HAO1: variants seen among roughly 807,000 people sequenced by gnomAD.
HAO1 encodes 2-Hydroxyacid oxidase 1.
In HAO1, 34 loss-of-function variants were observed where a neutral mutation model predicts 39.7. The ratio of observed to expected loss-of-function variants is 0.86; its 90% CI spans 0.65 to 1.14. The LOEUF (loss-of-function observed/expected upper bound fraction) is 1.14, where lower values mean the gene tolerates loss of function less well. Ranked by LOEUF, HAO1 falls within the 50% of genes most tolerant of loss-of-function variation. The probability of loss-of-function intolerance (pLI) is 0.00; values close to 1 mark genes in which losing one functional copy is unlikely to be tolerated. For synonymous variants in HAO1, 172 were observed against 173.2 expected (o/e 0.99, Z 0.05); for missense variants, 479 against 464.5 (o/e 1.03, Z -0.29).
At chr20:7,939,412 G>A (rs1052231912) in intron 1 of HAO1, among the ~76,000 whole-genome samples, 1 of 152,072 alleles carries the variant, frequency 6.6e-6, no homozygotes, top group Non-Finnish European at 1.5e-5. Context: ...TTTTGTTGTA[G>A]ACTAAAGAAG....
chr20:7,934,869 A>G (rs2050403026), intron 1 of HAO1, among the ~76,000 whole-genome samples: 1 of 152,246 alleles, frequency 6.6e-6, no homozygotes. Context: ...TATAACTAAT[A>G]CATAATAGTA....
chr20:7,897,456 C>A (rs562329601), intron 4 of HAO1, among the ~76,000 whole-genome samples: 1 of 151,800 alleles, frequency 6.6e-6, no homozygotes, highest in African/African-American at 2.4e-5. Flanking sequence ...ATAATTTTTT[C>A]TTTCTATTTA....
chr20:7,938,931 T>C (rs1051656690), intron 1 of HAO1, among the ~76,000 whole-genome samples: 6 of 152,184 alleles, frequency 3.9e-5, no homozygotes, highest in Non-Finnish European at 8.8e-5. Flanking sequence ...ACTTGAGCAT[T>C]GGAGGTCTAG....
At chr20:7,929,990 C>T (rs1047054005) in intron 2 of HAO1, among the ~76,000 whole-genome samples, 4 of 152,136 alleles carry the variant, frequency 2.6e-5, no homozygotes, top group East Asian at 1.9e-4. Flanking sequence ...GGAGAGTCAA[C>T]GGGGAAAATG....
chr20:7,888,701 T>G (rs2050161169), intron 5 of HAO1, among the ~76,000 whole-genome samples: 1 of 152,298 alleles, frequency 6.6e-6, no homozygotes, highest in East Asian at 1.9e-4. Context: ...TGCAATGATC[T>G]CCTCTTTATC....
intron 4 of HAO1, among the ~76,000 whole-genome samples, chr20:7,899,883 C>T (rs1199042197): frequency 6.6e-6 from 1 of 152,094 alleles, no homozygotes; most frequent in Non-Finnish European, 1.5e-5. Context: ...CCATTAAGTA[C>T]ATTGATTGAT....
At chr20:7,889,705 G>T (rs1338312015) in intron 5 of HAO1, among the ~76,000 whole-genome samples, 1 of 152,172 alleles carries the variant, frequency 6.6e-6, no homozygotes, top group Non-Finnish European at 1.5e-5. Flanking sequence ...TGGTGCAAAA[G>T]TAATTGCAGT....
chr20:7,938,925 G>A (rs921823736), intron 1 of HAO1, among the ~76,000 whole-genome samples: 2 of 152,134 alleles, frequency 1.3e-5, no homozygotes, highest in African/African-American at 2.4e-5. Context: ...ATAATCACTT[G>A]AGCATTGGAG....
intron 1 of HAO1, among the ~76,000 whole-genome samples, chr20:7,936,551 C>T (rs1320048865): frequency 0.012 from 523 of 43,714 alleles, 1 homozygote; most frequent in Admixed American, 0.014. Flanking sequence ...TGTGTGTTCG[C>T]GCGCGCGCGC....
At chr20:7,903,596 G>A (rs1177511753) in intron 4 of HAO1, among the ~76,000 whole-genome samples, 4 of 150,972 alleles carry the variant, frequency 2.6e-5, no homozygotes, top group Non-Finnish European at 4.4e-5. Flanking sequence ...TTATGGCGCT[G>A]GTGGTGGTGG....
chr20:7,930,012 C>A (rs1032657328), intron 2 of HAO1, among the ~76,000 whole-genome samples: 1 of 152,146 alleles, frequency 6.6e-6, no homozygotes, highest in Non-Finnish European at 1.5e-5. Flanking sequence ...GACTATGGCA[C>A]CATAGCAATT....
At chr20:7,909,025 TG>T (rs2050262954) in intron 3 of HAO1, among the ~76,000 whole-genome samples, 1 of 152,106 alleles carries the variant, frequency 6.6e-6, no homozygotes. Flanking sequence ...GTATGTAGTC[TG>T]CATGGCACCC....
intron 4 of HAO1, among the ~76,000 whole-genome samples, chr20:7,896,229 G>C (rs1006248069): frequency 9.9e-5 from 15 of 152,168 alleles, no homozygotes; most frequent in African/African-American, 3.6e-4. Flanking sequence ...TTTTTAGCAT[G>C]TCCTAATAAC....
At chr20:7,890,087 T>C (rs181133698) in intron 5 of HAO1, among the ~76,000 whole-genome samples, 1 of 152,286 alleles carries the variant, frequency 6.6e-6, no homozygotes, top group Non-Finnish European at 1.5e-5. Flanking sequence ...GTACACCAAA[T>C]GCTTTCTCAC....
At chr20:7,899,918 G>A (rs1239305562) in intron 4 of HAO1, among the ~76,000 whole-genome samples, 3 of 152,072 alleles carry the variant, frequency 2.0e-5, no homozygotes, top group East Asian at 3.9e-4. Context: ...ATGGGCAGTG[G>A]CATTGTTTGC....
At chr20:7,895,667 C>T (rs2050194074) in intron 4 of HAO1, among the ~76,000 whole-genome samples, 1 of 149,878 alleles carries the variant, frequency 6.7e-6, no homozygotes, top group Non-Finnish European at 1.5e-5. Context: ...TTTCAAAAAA[C>T]AATCTTTAAT....
intron 1 of HAO1, among the ~76,000 whole-genome samples, chr20:7,935,435 T>A (rs781471978): frequency 1.1e-4 from 16 of 152,218 alleles, no homozygotes; most frequent in Non-Finnish European, 2.1e-4. Flanking sequence ...ATATGCTATG[T>A]CTAGTTTGTC....
At position 7,914,680 on chromosome 20, in the gene HAO1, A is replaced by G. The variant is rs1172435506; in HGVS notation, c.290-261T>C. Among the ~76,000 whole-genome samples, 16 of 152,292 alleles carry G rather than the reference A, an allele frequency of 1.1e-4. 2 individuals are homozygous for G. Among genetic ancestry groups the G allele is most frequent in the Non-Finnish European group, 1.0e-4 (7 of 68,030 alleles). ...ATATACATTTCTTTCCACACTTTGT[A>G]TATTGTTCCTGAAGAACAAAATAAA... On this transcript the variant is annotated intron_variant, in intron 2 of 7. Transcript: ENST00000378789.
At chr20:7,908,694 G>C (rs1213696073) in intron 3 of HAO1, among the ~76,000 whole-genome samples, 1 of 152,098 alleles carries the variant, frequency 6.6e-6, no homozygotes, top group African/African-American at 2.4e-5. Flanking sequence ...AAATTTCATT[G>C]AGTCATATGG....
Sources: gnomAD v4.1 joint callset for allele counts (sites outside exome capture counted in the v4.1 genomes callset) on GRCh38, gnomAD v4.1.1 for gene constraint, MANE v1.5 for transcripts, NCBI Gene and HGNC (gene_info 2026-07-23, HGNC 2026-07-21) for gene names.